Variants in NXN observed in about 807,000 individuals in gnomAD.
NXN encodes the protein nucleoredoxin, also known as nucleoredoxin 1.
Under a neutral mutation model 48.6 loss-of-function variants are expected in NXN, and 16 were observed. The ratio of observed to expected loss-of-function variants is 0.33; its 90% CI spans 0.22 to 0.50. The LOEUF is 0.50. Among genes scored for constraint, NXN ranks in the 20% least tolerant of loss-of-function variants. NXN has a pLI of 0.98. For synonymous variants in NXN, 281 were observed against 269.6 expected, an observed-to-expected ratio of 1.04 and a Z score of -0.41; for missense variants, 492 against 605.5, an observed-to-expected ratio of 0.81 and a Z score of 1.97.
At chr17:902,285 G>A (rs578199389) in intron 1 of NXN, among the ~76,000 whole-genome samples, 6 of 152,304 alleles carry the variant, frequency 3.9e-5, no homozygotes, top group Non-Finnish European at 5.9e-5. Context: ...CTCAGAAACC[G>A]TTCCGGTAAC....
intron 1 of NXN, chr17:842,534 C>T (rs12939329): frequency 0.034 from 33,950 of 985,280 alleles, 868 homozygotes; most frequent in East Asian, 0.21. Flanking sequence ...CCTTCGAAGA[C>T]GCCAACCAGA....
intron 5 of NXN, among the ~76,000 whole-genome samples, chr17:810,679 C>T (rs1243774011): frequency 1.3e-5 from 2 of 152,174 alleles, no homozygotes; most frequent in Admixed American, 6.5e-5. Flanking sequence ...CCCCTGAGGT[C>T]AGGAGGTGGA....
intron 1 of NXN, among the ~76,000 whole-genome samples, chr17:973,548 G>A (rs749703983): frequency 5.9e-5 from 9 of 152,140 alleles, no homozygotes; most frequent in South Asian, 2.1e-4. Flanking sequence ...AGTCTGGAGC[G>A]TCATTGGCAG....
chr17:966,494 T>C (rs1447298528), intron 1 of NXN, among the ~76,000 whole-genome samples: 1 of 151,976 alleles, frequency 6.6e-6, no homozygotes, highest in Non-Finnish European at 1.5e-5. Context: ...ATTGCAGGCA[T>C]GCGCCACCAC....
intron 5 of NXN, among the ~76,000 whole-genome samples, chr17:812,372 G>A (rs1912111564): frequency 6.6e-6 from 1 of 152,200 alleles, no homozygotes; most frequent in Non-Finnish European, 1.5e-5. Context: ...GTGCAGGCAG[G>A]GGGTGTACCT....
intron 1 of NXN, among the ~76,000 whole-genome samples, chr17:846,342 G>A (rs147694932): frequency 0.03 from 4,522 of 150,474 alleles, 84 homozygotes; most frequent in East Asian, 0.043. Flanking sequence ...GCGTGAACCC[G>A]GGAGGTGGAA....
chr17:837,432 A>G (rs1211893499), intron 1 of NXN, among the ~76,000 whole-genome samples: 1 of 152,212 alleles, frequency 6.6e-6, no homozygotes, highest in African/African-American at 2.4e-5. Context: ...CTGCTGGCCA[A>G]GAGCAGTGCC....
At chr17:813,861 G>T (rs1391024059) in intron 5 of NXN, among the ~76,000 whole-genome samples, 2 of 152,056 alleles carry the variant, frequency 1.3e-5, no homozygotes, top group Non-Finnish European at 2.9e-5. Flanking sequence ...AGCTACTCAG[G>T]AGGCTGAGGC....
rs1567507370 is a variant in NXN, at chr17:932,490, G to A, written c.360+46829C>T. ...TTCAGCAAAACAAAACTCTGAGGCG[G>A]CGTTGGGTCCAGTCGTCGTCTCCTC... On this transcript the variant is annotated intron_variant, in intron 1 of 7. Coordinates refer to ENST00000336868, the MANE Select transcript of NXN (RefSeq NM_022463.5). This position sits in a 1 kb window ranked among gnomAD's most constrained non-coding sequence, Gnocchi z 4.1. Among the ~76,000 whole-genome samples, 1 of 152,204 alleles carries A rather than the reference G, an allele frequency of 6.6e-6. No homozygotes were observed. Among genetic ancestry groups the A allele is most frequent in the Non-Finnish European group, 1.5e-5 (1 of 68,046 alleles).
rs957197756 is a variant in NXN, at chr17:840,107, AAGAG to A, written c.361-14033_361-14030del. ...GCGAGACTGTCTCAAAAAAAAAAAA[AAGAG>A]AGAGAGAGAGAATATTACCATTTCT... On this transcript the variant is annotated intron_variant, in intron 1 of 7. Transcript: ENST00000336868. Among the ~76,000 whole-genome samples, 15 of 137,652 alleles carry A rather than the reference AAGAG, an allele frequency of 1.1e-4. No homozygotes were observed. In the East Asian group the frequency reaches 1.7e-3, roughly 15 times the overall value. 90.3% of individuals were successfully genotyped at this position (137,652 alleles called of 152,430 possible).
chr17:805,031 A>ACCCCCCCC, intron 6 of NXN, 37 bp downstream of exon 6: 3 of 1,009,720 alleles, frequency 3.0e-6, no homozygotes, highest in Admixed American at 2.5e-5. Context: ...CCCGCCCCCC[A>ACCCCCCCC]GCCACCCCTC....
intron 1 of NXN, among the ~76,000 whole-genome samples, chr17:944,142 G>T (rs912399022): frequency 1.3e-5 from 2 of 151,860 alleles, no homozygotes; most frequent in Admixed American, 6.6e-5. Flanking sequence ...GGGAGGCTGA[G>T]ACAGGAGAAT....
chr17:803,926 G>T, intron 6 of NXN, 120 bp from the exon 7 acceptor site: 1 of 1,308,864 alleles, frequency 7.6e-7, no homozygotes, highest in Non-Finnish European at 1.1e-6. Context: ...CCCCTGAACG[G>T]AAATGAACTT....
intron 5 of NXN, among the ~76,000 whole-genome samples, chr17:812,906 G>A (rs1345646950): frequency 7.2e-6 from 1 of 138,208 alleles, no homozygotes; most frequent in African/African-American, 2.7e-5. Context: ...GTGTGTGCAT[G>A]TGTGACTGTA....
At chr17:921,082 TA>T (rs1384452238) in intron 1 of NXN, among the ~76,000 whole-genome samples, 14 of 152,074 alleles carry the variant, frequency 9.2e-5, no homozygotes, top group Admixed American at 9.2e-4. Flanking sequence ...ATTTGTAAAA[TA>T]AAGAGAAGAG....
intron 1 of NXN, among the ~76,000 whole-genome samples, chr17:962,966 C>G (rs956071309): frequency 6.6e-5 from 10 of 152,134 alleles, no homozygotes; most frequent in African/African-American, 2.2e-4. Context: ...GGGAGCACAT[C>G]AGCCTGAGAC....
chr17:841,262 C>T (rs76214055), intron 1 of NXN, among the ~76,000 whole-genome samples: 6,672 of 152,298 alleles, frequency 0.044, 395 homozygotes, highest in East Asian at 0.28. Context: ...CAACAGGCCC[C>T]GCATGCGGCC....
chr17:876,782 G>A (rs572674824), intron 1 of NXN, among the ~76,000 whole-genome samples: 33 of 152,220 alleles, frequency 2.2e-4, no homozygotes, highest in South Asian at 1.0e-3. Flanking sequence ...GGGGGCTCAC[G>A]CCTGGAATCC....
At chr17:868,481 GTTTT>G (rs757448170) in intron 1 of NXN, among the ~76,000 whole-genome samples, 2 of 151,684 alleles carry the variant, frequency 1.3e-5, no homozygotes, top group Admixed American at 6.6e-5. Flanking sequence ...TTTTTTTTTG[GTTTT>G]TTGTTTGTTT....
Sources: allele counts gnomAD v4.1 joint callset (sites outside exome capture counted in the v4.1 genomes callset), GRCh38; gene constraint gnomAD v4.1.1; non-coding constraint Gnocchi (gnomAD v3.1); transcripts MANE v1.5; gene names NCBI Gene and HGNC (gene_info 2026-07-23, HGNC 2026-07-21).